KHDRBS2: variants seen among roughly 807,000 people sequenced by gnomAD.
The protein encoded by KHDRBS2 is KH domain-containing, RNA-binding, signal transduction-associated protein 2.
Under a neutral mutation model 44.3 loss-of-function variants are expected in KHDRBS2, and 26 were observed. The ratio of observed to expected loss-of-function variants is 0.59; its 90% CI spans 0.43 to 0.81. The LOEUF (loss-of-function observed/expected upper bound fraction) is 0.81. Among genes scored for constraint, KHDRBS2 ranks in the 40% least tolerant of loss-of-function variants. The pLI, the probability that KHDRBS2 is intolerant of heterozygous loss-of-function variation, is 0.00. For missense variants in KHDRBS2, 476 were observed against 433.1 expected (o/e 1.10, Z -0.88); for synonymous variants, 194 against 151.1 (o/e 1.28, Z -2.08).
At chr6:61,791,458 C>A (rs1246505987) in intron 6 of KHDRBS2, among the ~76,000 whole-genome samples, 1 of 151,302 alleles carries the variant, frequency 6.6e-6, no homozygotes, top group Non-Finnish European at 1.5e-5. Context: ...AATATTTTTT[C>A]ATAGCCATTT....
chr6:62,028,575 T>G (rs1212857148), intron 3 of KHDRBS2, among the ~76,000 whole-genome samples: 2 of 152,072 alleles, frequency 1.3e-5, no homozygotes, highest in African/African-American at 4.8e-5. Flanking sequence ...AAATCTATAT[T>G]TACTCTAAAG....
intron 3 of KHDRBS2, among the ~76,000 whole-genome samples, chr6:62,044,319 T>A (rs983410319): frequency 2.0e-5 from 3 of 151,692 alleles, no homozygotes; most frequent in Admixed American, 1.3e-4. Flanking sequence ...CTACAAAAAA[T>A]TTTAAAATTA....
chr6:61,732,392 TA>T (rs564781216), intron 7 of KHDRBS2, among the ~76,000 whole-genome samples: 7 of 152,182 alleles, frequency 4.6e-5, no homozygotes, highest in Admixed American at 2.6e-4. Flanking sequence ...TATTGTCTTT[TA>T]AAAAAATCTA....
At chr6:61,656,502 CTAAT>C in the KHDRBS2 span, among the ~76,000 whole-genome samples, 1 of 151,982 alleles carries the variant, frequency 6.6e-6, no homozygotes, top group African/African-American at 2.4e-5. Flanking sequence ...AGTAACATCC[CTAAT>C]TACAGAGACG....
intron 1 of KHDRBS2, among the ~76,000 whole-genome samples, chr6:62,237,135 T>A (rs548178238): frequency 6.6e-6 from 1 of 152,272 alleles, no homozygotes; most frequent in Admixed American, 6.5e-5. Flanking sequence ...CTGTTTTATA[T>A]GGAAGAGACT....
chr6:61,890,092 T>C (rs1801590892), intron 6 of KHDRBS2, among the ~76,000 whole-genome samples: 1 of 152,220 alleles, frequency 6.6e-6, no homozygotes, highest in Non-Finnish European at 1.5e-5. Context: ...TACATATGTT[T>C]ATTTTCTGTC....
At chr6:61,819,894 CA>C (rs1326783801) in intron 6 of KHDRBS2, among the ~76,000 whole-genome samples, 1 of 151,984 alleles carries the variant, frequency 6.6e-6, no homozygotes. Flanking sequence ...AAGGAACTAG[CA>C]GGTGCCAAAG....
chr6:61,945,150 T>TATAGACACAC, intron 4 of KHDRBS2, among the ~76,000 whole-genome samples: 1 of 87,012 alleles, frequency 1.1e-5, no homozygotes, highest in African/African-American at 4.3e-5. Flanking sequence ...TATATATATA[T>TATAGACACAC]ACACACAGAC....
rs143646326 is a variant in KHDRBS2, at chr6:61,732,135, A to T, written c.893+547T>A. On this transcript the variant is annotated intron_variant, in intron 7 of 8. Transcript: ENST00000281156. ...GTAAAGTTCATCATATATAAATAAC[A>T]TCTCAATAAATCTGACTTTGAAGAC... Among the ~76,000 whole-genome samples, 3 of 152,246 alleles carry T rather than the reference A, an allele frequency of 2.0e-5. No individual in the cohort carries two copies. The East Asian group carries it at 5.8e-4, about 29-fold the overall frequency.
intron 7 of KHDRBS2, among the ~76,000 whole-genome samples, chr6:61,718,779 C>T (rs1326517624): frequency 6.6e-6 from 1 of 152,032 alleles, no homozygotes; most frequent in East Asian, 1.9e-4. Context: ...AGTAGAGCAC[C>T]TCACCTTATG....
At chr6:62,099,506 T>A (rs749451477) in intron 2 of KHDRBS2, among the ~76,000 whole-genome samples, 1 of 152,204 alleles carries the variant, frequency 6.6e-6, no homozygotes, top group Non-Finnish European at 1.5e-5. Context: ...TATATTCTGC[T>A]GGGTCTGTGA....
intron 2 of KHDRBS2, among the ~76,000 whole-genome samples, chr6:62,147,473 T>A (rs1245857524): frequency 6.6e-6 from 1 of 151,888 alleles, no homozygotes; most frequent in African/African-American, 2.4e-5. Context: ...TTTCCCTTTG[T>A]TCAGTTTCCT....
chr6:62,086,027 T>C (rs764221808), intron 2 of KHDRBS2, among the ~76,000 whole-genome samples: 5 of 152,030 alleles, frequency 3.3e-5, no homozygotes, highest in South Asian at 2.1e-4. Flanking sequence ...TCTGAAAGGG[T>C]GCTAAGTGGA....
At chr6:62,076,497 A>G (rs948967217) in intron 2 of KHDRBS2, among the ~76,000 whole-genome samples, 13 of 152,028 alleles carry the variant, frequency 8.6e-5, no homozygotes, top group Non-Finnish European at 1.3e-4. Flanking sequence ...TCAGTAGATA[A>G]TGTTGGTTGT....
At chr6:61,726,563 C>T (rs966404476) in intron 7 of KHDRBS2, among the ~76,000 whole-genome samples, 6 of 152,136 alleles carry the variant, frequency 3.9e-5, no homozygotes, top group Non-Finnish European at 2.9e-5. Context: ...TAATAAGCAA[C>T]TTCAGCAAAG....
chr6:61,797,014 T>C (rs1365880072), intron 6 of KHDRBS2, among the ~76,000 whole-genome samples: 2 of 152,180 alleles, frequency 1.3e-5, no homozygotes, highest in Admixed American at 1.3e-4. Flanking sequence ...ATATAAGTGA[T>C]AATACAGAAT....
chr6:61,564,930 G>T, the KHDRBS2 span, among the ~76,000 whole-genome samples: 1 of 151,960 alleles, frequency 6.6e-6, no homozygotes, highest in African/African-American at 2.4e-5. Context: ...TATGGTGCTG[G>T]CATTAAAATA....
At chr6:61,588,117 T>G in the KHDRBS2 span, among the ~76,000 whole-genome samples, 1 of 152,222 alleles carries the variant, frequency 6.6e-6, no homozygotes, top group South Asian at 2.1e-4. Context: ...TGGGAGCCCT[T>G]AGTTCCATTT....
intron 1 of KHDRBS2, among the ~76,000 whole-genome samples, chr6:62,194,736 A>T (rs1249400318): frequency 6.6e-6 from 1 of 151,716 alleles, no homozygotes; most frequent in Non-Finnish European, 1.5e-5. Context: ...CAAACTCCTG[A>T]TCTCAAGTGA....
Sources: allele counts gnomAD v4.1 joint callset (sites outside exome capture counted in the v4.1 genomes callset), GRCh38; gene constraint gnomAD v4.1.1; transcripts MANE v1.5; gene names NCBI Gene and HGNC (gene_info 2026-07-23, HGNC 2026-07-21).